The following SLC10A2 variants were observed in gnomAD, a reference collection of about 807,000 sequenced individuals.
The protein encoded by SLC10A2 is solute carrier family 10 member 2, also known as ileal sodium/bile acid cotransporter.
SLC10A2 carries 34 observed loss-of-function variants against 27.1 expected under a neutral mutation model. The observed-to-expected ratio is 1.26, with a 90% confidence interval of 0.96 to 1.67. The LOEUF (loss-of-function observed/expected upper bound fraction) is 1.67. SLC10A2 is among the 40% of genes most tolerant of loss of function. The pLI, the probability that SLC10A2 is intolerant of heterozygous loss-of-function variation, is 0.00. For synonymous variants in SLC10A2, 205 were observed against 174.0 expected (o/e 1.18, Z -1.40); for missense variants, 530 against 444.4 (o/e 1.19, Z -1.73).
rs768390968 is a variant in SLC10A2 at position 103,051,427 on chromosome 13, C to A, written c.591G>T (p.Gly197=). ...PQKAKIILKI[G]SIAGAILIVL... ...CAATGAGGATGGCGCCCGCGATGGA[C>A]CCAATCTGAAAAAAAAAGGAATAAG... Residue 197 remains glycine (G), a synonymous_variant, in exon 4 of 6, where the codon GGG becomes GGT. Transcript: ENST00000245312. 4.3e-6 allele frequency: 7 copies of A among 1,613,722 alleles called. No homozygotes were observed. In the South Asian group the frequency reaches 5.5e-5, roughly 13 times the overall value.
Position 103,066,126 on chromosome 13 carries a change from A to G in SLC10A2, c.124T>C (p.Leu42=). ...CCCATGGAGAACATCACCAAGGCCA[A>G]CAGGATGGTCAGCACCGTACTTAGG... is the stretch of plus-strand genomic sequence containing the variant. The part of the protein sequence containing the change: ...VVLSTVLTIL[L]ALVMFSMGCN... Residue 42 remains leucine, a synonymous_variant, in exon 1 of 6, where the codon TTG becomes CTG. Transcript: ENST00000245312. 6.2e-7 allele frequency: 1 copy of G among 1,614,102 alleles called. No homozygotes were observed. The highest frequency in any genetic ancestry group is 2.2e-5 in the East Asian group (1 of 44,882).
Position 103,058,386 on chromosome 13 carries a change from A to G in SLC10A2, c.378-4T>C, listed in dbSNP as rs752682908. The stretch of plus-strand genomic sequence containing the variant: ...GGAGCATGTGGTCATGCTGACGCTG[A>G]AAGGCAATGGGCAGATTGATACATC... On this transcript the variant is annotated splice_region_variant and splice_polypyrimidine_tract_variant and intron_variant, in intron 1 of 5. Transcript: ENST00000245312. 5 of 1,572,056 alleles carry G rather than the reference A, an allele frequency of 3.2e-6. No individual in the cohort carries two copies. The highest frequency in any genetic ancestry group is 3.3e-5 in the Admixed American group (2 of 59,944).
intron 5 of SLC10A2, among the ~76,000 whole-genome samples, chr13:103,047,281 C>G (rs906691780): frequency 1.3e-5 from 2 of 152,124 alleles, no homozygotes; most frequent in Admixed American, 6.6e-5. Flanking sequence ...CTTATTAACT[C>G]AAGATCAATA....
chr13:103,062,287 A>G (rs1876146881), intron 1 of SLC10A2, among the ~76,000 whole-genome samples: 1 of 152,246 alleles, frequency 6.6e-6, no homozygotes, highest in Admixed American at 6.5e-5. Flanking sequence ...GCAAAGTGGT[A>G]GTGGGTAGAC....
At position 103,045,844 on chromosome 13, in the gene SLC10A2, A is replaced by G. The variant is rs1304647773; in HGVS notation, c.*289T>C. On this transcript the variant is annotated 3_prime_UTR_variant, in exon 6 of 6. Coordinates refer to ENST00000245312, the MANE Select transcript of SLC10A2 (RefSeq NM_000452.3). The stretch of plus-strand genomic sequence containing the variant: ...GATGTTTTCATTCTCGGTGTTCCCT[A>G]TGTCAGGTTTAGTCTGAGAATATTT... 3 of 242,866 alleles carry G rather than the reference A, an allele frequency of 1.2e-5. No homozygotes were observed. Among genetic ancestry groups the G allele is most frequent in the East Asian group, 1.9e-4 (2 of 10,674 alleles). The allele number at this position is 242,866 out of a possible 1,614,324, so 15.0% of individuals were successfully genotyped here. A position where few individuals can be genotyped will look rare whatever the true frequency, so the allele number is the denominator to read the frequency against.
intron 3 of SLC10A2, among the ~76,000 whole-genome samples, chr13:103,051,814 T>G (rs1041082340): frequency 4.6e-5 from 7 of 152,220 alleles, no homozygotes; most frequent in Non-Finnish European, 4.4e-5. Flanking sequence ...AACTGTAGTT[T>G]CTTTATTTGT....
chr13:103,046,967 A>G (rs547869590), intron 5 of SLC10A2, among the ~76,000 whole-genome samples: 4 of 152,304 alleles, frequency 2.6e-5, no homozygotes, highest in Non-Finnish European at 5.9e-5. Context: ...ATGTTTTCCA[A>G]TTAAGTTTTA....
At chr13:103,058,212 A>G in intron 2 of SLC10A2, 52 bp downstream of exon 2, 4 of 1,047,488 alleles carry the variant, frequency 3.8e-6, no homozygotes, top group Non-Finnish European at 1.5e-6. Context: ...AGCAGGGGGT[A>G]AGCAGAGAGT....
Position 103,052,608 on chromosome 13 carries a change from T to C in SLC10A2, c.585+12A>G. ...CAGTGGAATATTTAATGGTGTGAAC[T>C]GGGATACTTACTTTAAGTATGATCT... On this transcript the variant is annotated intron_variant, in intron 3 of 5. Transcript: ENST00000245312. 1 of 1,533,650 alleles carries C rather than the reference T, an allele frequency of 6.5e-7. No individual in the cohort carries two copies. The highest frequency in any genetic ancestry group is 1.1e-5 in the South Asian group (1 of 89,342).
At chr13:103,059,056 T>A (rs1215271787) in intron 1 of SLC10A2, among the ~76,000 whole-genome samples, 4 of 152,230 alleles carry the variant, frequency 2.6e-5, no homozygotes, top group African/African-American at 9.6e-5. Flanking sequence ...ATGGATGAAC[T>A]AATTTACACT....
intron 4 of SLC10A2, 139 bp downstream of exon 4, chr13:103,051,118 A>G: frequency 2.5e-6 from 2 of 807,488 alleles, no homozygotes; most frequent in Middle Eastern, 2.6e-4. Context: ...TTTCACTTCT[A>G]GTCTCTGAAA....
intron 5 of SLC10A2, among the ~76,000 whole-genome samples, chr13:103,047,801 A>G (rs1022334437): frequency 6.6e-6 from 1 of 151,806 alleles, no homozygotes; most frequent in Non-Finnish European, 1.5e-5. Context: ...CAACTAGTGC[A>G]TTACTTAATT....
At chr13:103,063,678 T>A (rs781243115) in intron 1 of SLC10A2, among the ~76,000 whole-genome samples, 4 of 152,244 alleles carry the variant, frequency 2.6e-5, no homozygotes, top group African/African-American at 4.8e-5. Flanking sequence ...GTCATCATCT[T>A]ACATAGCAGT....
At position 103,061,847 on chromosome 13, in the gene SLC10A2, G is replaced by A. The variant is rs138955047; in HGVS notation, c.378-3465C>T. 2.5e-3 allele frequency among the ~76,000 whole-genome samples: 380 copies of A among 152,132 alleles called. 2 individuals are homozygous for A. The highest frequency in any genetic ancestry group is 0.017 in the Middle Eastern group (5 of 294). On this transcript the variant is annotated intron_variant, in intron 1 of 5. Coordinates refer to ENST00000245312, the MANE Select transcript of SLC10A2 (RefSeq NM_000452.3). ...AGATTTAAAACAATTCACAGATAAC[G>A]AATTTTAAGAAATAATATAGAAGCC... is the stretch of plus-strand genomic sequence containing the variant.
intron 4 of SLC10A2, 107 bp downstream of exon 4, chr13:103,051,150 T>C: frequency 9.3e-7 from 1 of 1,076,078 alleles, no homozygotes; most frequent in South Asian, 1.3e-5. Context: ...TAAGTGTCTG[T>C]TGTTTAAGCC....
intron 4 of SLC10A2, among the ~76,000 whole-genome samples, chr13:103,050,517 C>A (rs1875746964): frequency 6.6e-6 from 1 of 152,200 alleles, no homozygotes; most frequent in Non-Finnish European, 1.5e-5. Flanking sequence ...GCTCACCCTG[C>A]TGCCAGCTGG....
At position 103,066,407 on chromosome 13, in the gene SLC10A2, C is replaced by T. The variant is rs1160039484; in HGVS notation, c.-158G>A. On this transcript the variant is annotated 5_prime_UTR_variant, in exon 1 of 6. Transcript: ENST00000245312. ...ACTTGGTGTCTCTTTTGAAAGCCAC[C>T]TTAGGGAAGTAATAAAAAACAATAA... 1 of 656,238 alleles carries T rather than the reference C, an allele frequency of 1.5e-6. No individual in the cohort carries two copies. The highest frequency in any genetic ancestry group is 4.2e-4 in the Middle Eastern group (1 of 2,378). The allele number at this position is 656,238 out of a possible 1,614,324, so 40.7% of individuals were successfully genotyped here. A position where few individuals can be genotyped will look rare whatever the true frequency, so the allele number is the denominator to read the frequency against.
At chr13:103,055,581 A>G (rs1773612341) in intron 2 of SLC10A2, among the ~76,000 whole-genome samples, 1 of 152,210 alleles carries the variant, frequency 6.6e-6, no homozygotes, top group Admixed American at 6.5e-5. Context: ...AAAAACCAAC[A>G]GCAAAAAGGT....
chr13:103,062,373 T>C (rs1026620883), intron 1 of SLC10A2, among the ~76,000 whole-genome samples: 1 of 152,242 alleles, frequency 6.6e-6, no homozygotes, highest in Admixed American at 6.5e-5. Context: ...TTAACTTCAT[T>C]ATCTGCCAAA....
Sources: allele counts gnomAD v4.1 joint callset (sites outside exome capture counted in the v4.1 genomes callset), GRCh38; gene constraint gnomAD v4.1.1; transcripts MANE v1.5; gene names NCBI Gene and HGNC (gene_info 2026-07-23, HGNC 2026-07-21).